Variants in NDUFAF6 observed in about 807,000 individuals in gnomAD.
NDUFAF6 encodes NADH dehydrogenase (ubiquinone) complex I, assembly factor 6.
Under a neutral mutation model 40.8 loss-of-function variants are expected in NDUFAF6, and 45 were observed. The ratio of observed to expected loss-of-function variants is 1.10; its 90% CI spans 0.87 to 1.42. The LOEUF (loss-of-function observed/expected upper bound fraction) is 1.42, where lower values mean the gene tolerates loss of function less well. Among genes scored for constraint, NDUFAF6 ranks in the 40% most tolerant of loss-of-function variants. NDUFAF6 has a pLI of 0.00. For missense variants in NDUFAF6, 435 were observed against 418.5 expected (o/e 1.04, Z -0.34); for synonymous variants, 185 against 155.9 (o/e 1.19, Z -1.39).
chr8:95,024,934 G>A (rs1313826148), upstream of NDUFAF6: 4 of 1,214,454 alleles, frequency 3.3e-6, no homozygotes, highest in South Asian at 6.2e-5. Context: ...GAGCATAGGG[G>A]AACCTGCAGG....
chr8:95,006,381 GAAAAGA>G (rs1826985764), intron 2 of NDUFAF6, among the ~76,000 whole-genome samples: 1 of 138,622 alleles, frequency 7.2e-6, no homozygotes. Context: ...AAAAAAGAAA[GAAAAGA>G]AAAAGAAAAA....
At chr8:95,081,783 C>T (rs543504105) in intron 2 of NDUFAF6, among the ~76,000 whole-genome samples, 3 of 151,924 alleles carry the variant, frequency 2.0e-5, no homozygotes, top group South Asian at 2.1e-4. Context: ...CCTGTTGGGC[C>T]GGGCGTGGTG....
intron 2 of NDUFAF6, among the ~76,000 whole-genome samples, chr8:95,003,019 GA>G: frequency 1.3e-5 from 2 of 152,240 alleles, no homozygotes; most frequent in Non-Finnish European, 2.9e-5. Flanking sequence ...CAAAGAAAGA[GA>G]GATCTTTTCA....
intron 1 of NDUFAF6, among the ~76,000 whole-genome samples, chr8:94,922,349 A>G (rs531500439): frequency 5.7e-4 from 86 of 152,050 alleles, no homozygotes; most frequent in African/African-American, 2.0e-3. Flanking sequence ...AATTGTGCAC[A>G]CTGAAGTTGG....
At chr8:94,900,411 G>A (rs1455634989) in intron 1 of NDUFAF6, among the ~76,000 whole-genome samples, 1 of 152,194 alleles carries the variant, frequency 6.6e-6, no homozygotes. Context: ...GCACCAGGGA[G>A]TCTAGGTAGA....
At chr8:94,904,328 T>C (rs1486056325) in intron 1 of NDUFAF6, among the ~76,000 whole-genome samples, 1 of 63,448 alleles carries the variant, frequency 1.6e-5, no homozygotes, top group African/African-American at 6.2e-5. Context: ...TGCTTTTTTT[T>C]TTTTTTTTTT....
At chr8:94,904,871 TA>T (rs571626203) in intron 1 of NDUFAF6, among the ~76,000 whole-genome samples, 1,887 of 150,974 alleles carry the variant, frequency 0.012, 11 homozygotes, top group Middle Eastern at 0.02. Context: ...TTATTACATT[TA>T]AAAAAAAAAT....
intron 1 of NDUFAF6, among the ~76,000 whole-genome samples, chr8:94,962,680 A>G (rs1329601946): frequency 6.6e-6 from 1 of 151,024 alleles, no homozygotes; most frequent in African/African-American, 2.5e-5. Context: ...TGGTGCGACC[A>G]TAGCTCACTG....
chr8:94,962,051 G>A (rs759289235), intron 1 of NDUFAF6, among the ~76,000 whole-genome samples: 24 of 152,168 alleles, frequency 1.6e-4, no homozygotes, highest in Non-Finnish European at 3.2e-4. Flanking sequence ...CTTCCAGCTA[G>A]GGGTGGCCAT....
chr8:95,092,364 TAG>T (rs566167373), intron 2 of NDUFAF6, among the ~76,000 whole-genome samples: 136 of 151,890 alleles, frequency 9.0e-4, no homozygotes, highest in African/African-American at 3.0e-3. Context: ...GTATTTTTAG[TAG>T]AGACGAGGTT....
chr8:94,972,385 G>A (rs956977844), intron 1 of NDUFAF6, among the ~76,000 whole-genome samples: 1 of 152,086 alleles, frequency 6.6e-6, no homozygotes, highest in Non-Finnish European at 1.5e-5. Context: ...GGGATTACAG[G>A]CGTGCGCCAC....
chr8:94,995,141 C>T (rs1826368097), intron 2 of NDUFAF6, among the ~76,000 whole-genome samples: 1 of 152,170 alleles, frequency 6.6e-6, no homozygotes, highest in Admixed American at 6.5e-5. Flanking sequence ...ATTATGCAGC[C>T]TTAAAAAGGA....
intron 2 of NDUFAF6, among the ~76,000 whole-genome samples, chr8:95,092,846 G>T (rs950476216): frequency 7.9e-5 from 12 of 152,152 alleles, no homozygotes; most frequent in Admixed American, 7.9e-4. Flanking sequence ...GGCCTCCCAG[G>T]TGCTGGGATC....
intron 1 of NDUFAF6, among the ~76,000 whole-genome samples, chr8:94,942,332 A>G (rs1426760018): frequency 6.6e-6 from 1 of 151,564 alleles, no homozygotes; most frequent in African/African-American, 2.4e-5. Flanking sequence ...GAGCTGCCGC[A>G]CCCGCATGCC....
chr8:94,954,782 A>T (rs1822934304), upstream of NDUFAF6, among the ~76,000 whole-genome samples: 2 of 152,188 alleles, frequency 1.3e-5, no homozygotes, highest in South Asian at 4.1e-4. Context: ...TAGGTTTATA[A>T]GCTGAAGAGC....
At chr8:95,028,889 C>T (rs1828490029) in intron 1 of NDUFAF6, among the ~76,000 whole-genome samples, 1 of 152,180 alleles carries the variant, frequency 6.6e-6, no homozygotes, top group South Asian at 2.1e-4. Flanking sequence ...AACTATAGAG[C>T]TGCTTTGCCT....
At chr8:95,015,915 A>T in intron 2 of NDUFAF6, among the ~76,000 whole-genome samples, 1 of 151,768 alleles carries the variant, frequency 6.6e-6, no homozygotes, top group Middle Eastern at 3.2e-3. Flanking sequence ...AGAATGAGAA[A>T]GAGAGGAAGA....
At chr8:94,896,033 C>T (rs1336994102) in intron 1 of NDUFAF6, 1 of 152,976 alleles carries the variant, frequency 6.5e-6, no homozygotes, top group African/African-American at 2.4e-5. Flanking sequence ...CAGTGGCCTC[C>T]AGCTGCCACC....
chr8:94,923,844 T>TA (rs1216653621), intron 1 of NDUFAF6, among the ~76,000 whole-genome samples: 1 of 57,598 alleles, frequency 1.7e-5, no homozygotes, highest in Non-Finnish European at 4.9e-5. Context: ...CACGCCCGAC[T>TA]AATTTTTTTT....
Sources: gnomAD v4.1 joint callset for allele counts (sites outside exome capture counted in the v4.1 genomes callset) on GRCh38, gnomAD v4.1.1 for gene constraint, MANE v1.5 for transcripts, NCBI Gene and HGNC (gene_info 2026-07-23, HGNC 2026-07-21) for gene names.